The following SPCS3 variants were observed in gnomAD, a reference collection of about 807,000 sequenced individuals.
SPCS3 encodes the protein signal peptidase complex subunit 3.
In SPCS3, 9 loss-of-function variants were observed where a neutral mutation model predicts 17.2. The ratio of observed to expected loss-of-function variants is 0.52; its 90% CI spans 0.31 to 0.91. The LOEUF (loss-of-function observed/expected upper bound fraction) is 0.91. Ranked by LOEUF, SPCS3 falls within the 40% of genes least tolerant of loss-of-function variation. The pLI is 0.04. For missense variants in SPCS3, 139 were observed against 217.5 expected (o/e 0.64, Z 2.27); for synonymous variants, 87 against 89.6 (o/e 0.97, Z 0.16).
At position 176,320,228 on chromosome 4, in the gene SPCS3, G is replaced by C; in HGVS notation, c.143+9G>C. On this transcript the variant is annotated intron_variant, in intron 1 of 4. Transcript: ENST00000503362. Reference sequence around the variant, plus strand: ...GTCTCGCGGATCATGCTGTGAGTGAGGCCGGGCCGGCGGTGCAGGACGCCG... The same window carrying C: ...GTCTCGCGGATCATGCTGTGAGTGACGCCGGGCCGGCGGTGCAGGACGCCG... 1 of 1,550,104 alleles carries C rather than the reference G, an allele frequency of 6.5e-7. No homozygotes were observed. Among genetic ancestry groups the C allele is most frequent in the South Asian group, 1.2e-5 (1 of 85,712 alleles).
chr4:176,322,285 T>C lies in SPCS3; in HGVS notation c.217+42T>C, dbSNP rs1156886198. On this transcript the variant is annotated intron_variant, in intron 2 of 4. Coordinates refer to ENST00000503362, the MANE Select transcript of SPCS3 (RefSeq NM_021928.4). ...TATTTCGTTGCGTTTTCTGTAGTTT[T>C]ATAATGAGATATGTGTTGTTTAATG... The C allele has an allele frequency of 3.2e-6, 4 of 1,264,082 alleles. No homozygotes were observed. In the African/African-American group the frequency reaches 5.9e-5, roughly 19 times the overall value. The allele number at this position is 1,264,082 out of a possible 1,614,324, so 78.3% of individuals were successfully genotyped here.
At chr4:176,322,286 A>C (rs1163050081) in intron 2 of SPCS3, 43 bp downstream of exon 2, 1 of 1,264,310 alleles carries the variant, frequency 7.9e-7, no homozygotes, top group Non-Finnish European at 1.2e-6. Flanking sequence ...CTGTAGTTTT[A>C]TAATGAGATA....
Position 176,320,050 on chromosome 4 carries a change from A to C in SPCS3, c.-27A>C. ...AACGGGAGCCTGGGTGTGCGTGTGGAGTCCGGACTCGTGGGAGACGATCGC... is the reference window on the plus strand; with the variant it reads ...AACGGGAGCCTGGGTGTGCGTGTGGCGTCCGGACTCGTGGGAGACGATCGC... On this transcript the variant is annotated 5_prime_UTR_variant, in exon 1 of 5. Transcript: ENST00000503362. The C allele has an allele frequency of 6.6e-7, 1 of 1,503,840 alleles. No homozygotes were observed. Among genetic ancestry groups the C allele is most frequent in the Non-Finnish European group, 9.0e-7 (1 of 1,117,132 alleles). 93.2% of individuals were successfully genotyped at this position (1,503,840 alleles called of 1,614,324 possible).
chr4:176,322,130 T>C lies in SPCS3; in HGVS notation c.144-40T>C, dbSNP rs767741393. 3 of 1,328,200 alleles carry C rather than the reference T, an allele frequency of 2.3e-6. No homozygotes were observed. In the South Asian group the frequency reaches 3.6e-5, roughly 16 times the overall value. 82.3% of individuals were successfully genotyped at this position (1,328,200 alleles called of 1,614,324 possible). On this transcript the variant is annotated intron_variant, in intron 1 of 4. Transcript: ENST00000503362. Reference sequence around the variant, plus strand: ...AAGAAGTTACGTGAATTGTGTATGTTCTGTTGGAAGGATGGTAAAACTTTT... The same window carrying C: ...AAGAAGTTACGTGAATTGTGTATGTCCTGTTGGAAGGATGGTAAAACTTTT...
At chr4:176,323,614 G>C (rs73871978) in intron 2 of SPCS3, among the ~76,000 whole-genome samples, 1,675 of 152,262 alleles carry the variant, frequency 0.011, 31 homozygotes, top group African/African-American at 0.036. Flanking sequence ...TAATTCTGGT[G>C]AAGTTCTTGT....
chr4:176,327,894 C>T (rs540211475), intron 4 of SPCS3, among the ~76,000 whole-genome samples: 2 of 152,188 alleles, frequency 1.3e-5, no homozygotes, highest in African/African-American at 4.8e-5. Context: ...TGATTCTTAG[C>T]TCGTCTCTTT....
rs2127000542 is a variant in SPCS3, at chr4:176,323,788, T to C, written c.218-393T>C. 1.3e-5 allele frequency among the ~76,000 whole-genome samples: 2 copies of C among 152,210 alleles called. 1 individual carries two copies. Among genetic ancestry groups the C allele is most frequent in the South Asian group, 4.1e-4 (2 of 4,828 alleles). On this transcript the variant is annotated intron_variant, in intron 2 of 4. Transcript: ENST00000503362. ...GCATATTGTTAAATTTAAATGGTGG[T>C]GATTGTTTATACTTTAGAGCTCCAG...
In SPCS3 at chr4:176,331,167, T is replaced by G. The variant is rs1474750423; in HGVS notation, c.*2837T>G. ...CATCTTAGAGATGAAAAGCTGGGCT[T>G]TTTCTCTAAGATGATAATCTTAAAG... is the stretch of plus-strand genomic sequence containing the variant. On this transcript the variant is annotated 3_prime_UTR_variant, in exon 5 of 5. Coordinates refer to ENST00000503362, the MANE Select transcript of SPCS3 (RefSeq NM_021928.4). 3 of 152,138 alleles carry G rather than the reference T, an allele frequency of 2.0e-5. No individual in the cohort carries two copies. Among genetic ancestry groups the G allele is most frequent in the Non-Finnish European group, 4.4e-5 (3 of 68,032 alleles). The allele number at this position is 152,138 out of a possible 1,614,324, so 9.4% of individuals were successfully genotyped here.
chr4:176,330,084 G>C lies in SPCS3; in HGVS notation c.*1754G>C, dbSNP rs541199083. ...AGAGTTGGACCAGTTAACTTTAATG[G>C]CCATCCTTTTACACCACACAAGTTG... On this transcript the variant is annotated 3_prime_UTR_variant, in exon 5 of 5. Transcript: ENST00000503362. 3 of 152,102 alleles carry C rather than the reference G, an allele frequency of 2.0e-5. No homozygotes were observed. The highest frequency in any genetic ancestry group is 7.2e-5 in the African/African-American group (3 of 41,498). 9.4% of individuals were successfully genotyped at this position (152,102 alleles called of 1,614,324 possible).
intron 1 of SPCS3, chr4:176,320,992 C>T (rs1335047102): frequency 1.3e-5 from 2 of 152,120 alleles, no homozygotes; most frequent in Non-Finnish European, 2.9e-5. Flanking sequence ...CCTATTTTGT[C>T]CTTGATTTTA....
rs954076554 is a variant in SPCS3, at chr4:176,330,344, C to G, written c.*2014C>G. 2.0e-5 allele frequency: 3 copies of G among 152,136 alleles called. No individual in the cohort carries two copies. The highest frequency in any genetic ancestry group is 7.2e-5 in the African/African-American group (3 of 41,426). The allele number at this position is 152,136 out of a possible 1,614,324, so 9.4% of individuals were successfully genotyped here. On this transcript the variant is annotated 3_prime_UTR_variant, in exon 5 of 5. Coordinates refer to ENST00000503362, the MANE Select transcript of SPCS3 (RefSeq NM_021928.4). ...GGTGTGTCCTCTTTAAAGGCATGTGCGATAAGCCTGCAGTCTTAACCAGAC... is the reference window on the plus strand; with the variant it reads ...GGTGTGTCCTCTTTAAAGGCATGTGGGATAAGCCTGCAGTCTTAACCAGAC...
chr4:176,320,457 T>G, intron 1 of SPCS3: 1 of 271,530 alleles, frequency 3.7e-6, no homozygotes, highest in Non-Finnish European at 6.7e-6. Flanking sequence ...CTCTTAAATT[T>G]TAATTTTGAG....
At position 176,320,115 on chromosome 4, in the gene SPCS3, C is replaced by T. The variant is rs745834544; in HGVS notation, c.39C>T (p.Ala13=). 2.5e-6 allele frequency: 4 copies of T among 1,578,958 alleles called. No individual in the cohort carries two copies. Among genetic ancestry groups the T allele is most frequent in the Admixed American group, 1.8e-5 (1 of 55,866 alleles). ...TVLSRANSLF[A]FSLSVMAALT... Reference sequence around the variant, plus strand: ...TGTCGCGGGCGAACTCACTGTTCGCCTTCTCGCTGAGCGTGATGGCGGCGC... The same window carrying T: ...TGTCGCGGGCGAACTCACTGTTCGCTTTCTCGCTGAGCGTGATGGCGGCGC... The change falls in exon 1 of 5, where the codon GCC becomes GCT. Residue 13 remains alanine, a synonymous_variant. Coordinates refer to ENST00000503362, the MANE Select transcript of SPCS3 (RefSeq NM_021928.4).
At chr4:176,325,106 C>T (rs1002112796) in intron 3 of SPCS3, among the ~76,000 whole-genome samples, 2 of 144,930 alleles carry the variant, frequency 1.4e-5, no homozygotes, top group Non-Finnish European at 3.0e-5. Context: ...GGCTGGAGTA[C>T]AGTAGCGCCG....
At chr4:176,321,290 A>C (rs2126999565) in intron 1 of SPCS3, 1 of 152,196 alleles carries the variant, frequency 6.6e-6, no homozygotes, top group East Asian at 1.9e-4. Flanking sequence ...CATATTAAAC[A>C]CTGAACAGAT....
At position 176,324,253 on chromosome 4, in the gene SPCS3, A is replaced by G; in HGVS notation, c.290A>G (p.Asn97Ser). ...LYLSAEYSTK[N>S]NALNQVVLWD... ...TTATCAGCAGAATATTCAACAAAAA[A>G]TAATGTAAGTATATCTAATTAGAAG... The change falls in exon 3 of 5, where the codon AAT (asparagine) becomes AGT (serine). Residue 97 changes from asparagine (N) to serine (S), a missense_variant. Asn to Ser is a conservative substitution (Grantham distance 46). Coordinates refer to ENST00000503362, the MANE Select transcript of SPCS3 (RefSeq NM_021928.4). The G allele has an allele frequency of 2.7e-6, 3 of 1,128,150 alleles. No individual in the cohort carries two copies. The highest frequency in any genetic ancestry group is 3.7e-6 in the Non-Finnish European group (3 of 813,628). The allele number at this position is 1,128,150 out of a possible 1,614,324, so 69.9% of individuals were successfully genotyped here.
intron 3 of SPCS3, among the ~76,000 whole-genome samples, chr4:176,324,983 T>A (rs1731584991): frequency 6.6e-6 from 1 of 150,886 alleles, no homozygotes; most frequent in African/African-American, 2.4e-5. Context: ...ATTGCTGAAC[T>A]ATCAACTAGG....
intron 2 of SPCS3, among the ~76,000 whole-genome samples, chr4:176,323,846 CTT>C (rs1224705437): frequency 1.6e-4 from 22 of 139,964 alleles, no homozygotes; most frequent in African/African-American, 1.3e-4. Flanking sequence ...ATCGAGTCCT[CTT>C]TTTTTTTTTT....
chr4:176,320,609 C>A (rs957458571), intron 1 of SPCS3: 6 of 154,046 alleles, frequency 3.9e-5, no homozygotes, highest in Admixed American at 1.3e-4. Flanking sequence ...CGGTGCCGCT[C>A]GTGGTCCGCA....
Sources: gnomAD v4.1 joint callset for allele counts (sites outside exome capture counted in the v4.1 genomes callset) on GRCh38, gnomAD v4.1.1 for gene constraint, MANE v1.5 for transcripts, NCBI Gene and HGNC (gene_info 2026-07-23, HGNC 2026-07-21) for gene names.